Variants in CSMD1 observed in about 807,000 individuals in gnomAD.
CSMD1 encodes the protein CUB and sushi domain-containing protein 1.
A neutral mutation model predicts 417.5 loss-of-function variants in CSMD1; 213 were observed. The ratio of observed to expected loss-of-function variants is 0.51; its 90% CI spans 0.46 to 0.57. The LOEUF is 0.57. CSMD1 is among the 20% of genes least tolerant of loss of function. CSMD1 has a pLI of 0.00. For missense variants in CSMD1, 6,923 were observed against 4,529.7 expected (o/e 1.53, Z -15.17); for synonymous variants, 2,862 against 1,736.8 (o/e 1.65, Z -16.11).
chr8:3,566,548 G>C (rs1027338553), intron 10 of CSMD1, among the ~76,000 whole-genome samples: 3 of 151,036 alleles, frequency 2.0e-5, no homozygotes, highest in East Asian at 1.9e-4. Flanking sequence ...TTTGTCCATA[G>C]AGGATGTGAA....
At chr8:4,404,968 G>C (rs748974844) in intron 3 of CSMD1, among the ~76,000 whole-genome samples, 2 of 152,150 alleles carry the variant, frequency 1.3e-5, no homozygotes, top group Admixed American at 6.5e-5. Context: ...TGGAAACCGA[G>C]GCACAAGAGG....
intron 2 of CSMD1, among the ~76,000 whole-genome samples, chr8:4,611,902 G>A (rs188107128): frequency 3.0e-4 from 45 of 152,290 alleles, no homozygotes; most frequent in Non-Finnish European, 4.6e-4. Context: ...CTGGCAATCA[G>A]TGACAAATTC....
At chr8:3,312,727 G>A (rs1805444910) in intron 23 of CSMD1, among the ~76,000 whole-genome samples, 1 of 152,132 alleles carries the variant, frequency 6.6e-6, no homozygotes, top group Middle Eastern at 3.2e-3. Flanking sequence ...TCGCCTGCTA[G>A]GGAGAAGAGT....
chr8:3,506,420 G>C (rs1269607359), intron 10 of CSMD1, among the ~76,000 whole-genome samples: 2 of 152,136 alleles, frequency 1.3e-5, no homozygotes, highest in African/African-American at 2.4e-5. Flanking sequence ...GAGAGGAGAA[G>C]GTGCCGAATG....
intron 9 of CSMD1, among the ~76,000 whole-genome samples, chr8:3,575,532 TG>T (rs1171373769): frequency 6.6e-6 from 1 of 152,192 alleles, no homozygotes; most frequent in Non-Finnish European, 1.5e-5. Context: ...TTACACTGTC[TG>T]ACCTCCAATA....
Position 3,547,099 on chromosome 8 carries a change from T to A in CSMD1, c.1344+27846A>T, listed in dbSNP as rs535019053. Among the ~76,000 whole-genome samples, 29 of 152,270 alleles carry A rather than the reference T, an allele frequency of 1.9e-4. No homozygotes were observed. The South Asian group carries it at 5.8e-3, about 31-fold the overall frequency. On this transcript the variant is annotated intron_variant, in intron 10 of 69. Coordinates refer to ENST00000635120, the MANE Select transcript of CSMD1 (RefSeq NM_033225.6). ...AGACAGCAGGACCAATAACGTGGGC[T>A]ACAGGTTGGCCAACCCTCATGCTGC...
intron 26 of CSMD1, among the ~76,000 whole-genome samples, chr8:3,272,695 T>C (rs1054143688): frequency 1.4e-5 from 2 of 142,370 alleles, no homozygotes; most frequent in African/African-American, 5.3e-5. Context: ...TCGAAGCAAT[T>C]GTGAATGGGA....
At chr8:4,931,511 C>A (rs559358940) in intron 1 of CSMD1, among the ~76,000 whole-genome samples, 2 of 152,290 alleles carry the variant, frequency 1.3e-5, no homozygotes, top group East Asian at 3.9e-4. Flanking sequence ...GTTATGTATC[C>A]ATGAACCATC....
Position 3,779,401 on chromosome 8 carries a change from G to A in CSMD1, c.819-25359C>T, listed in dbSNP as rs551508317. Among the ~76,000 whole-genome samples the A allele has an allele frequency of 9.9e-5, 15 of 152,194 alleles. No homozygotes were observed. The South Asian group carries it at 1.2e-3, about 13-fold the overall frequency. ...AAGGGGCTTCAGAAACCCTGTAATC[G>A]ATGAGCACTACGTAGGAGCATCAAG... On this transcript the variant is annotated intron_variant, in intron 5 of 69. Coordinates refer to ENST00000635120, the MANE Select transcript of CSMD1 (RefSeq NM_033225.6).
intron 5 of CSMD1, among the ~76,000 whole-genome samples, chr8:3,987,537 AG>A (rs2130251311): frequency 6.6e-6 from 1 of 152,326 alleles, no homozygotes; most frequent in East Asian, 1.9e-4. Context: ...GTCTGACTCT[AG>A]CCCAAATGGT....
intron 5 of CSMD1, among the ~76,000 whole-genome samples, chr8:3,816,950 G>A (rs1371096700): frequency 6.6e-6 from 1 of 152,080 alleles, no homozygotes; most frequent in African/African-American, 2.4e-5. Flanking sequence ...AGCGAATCAA[G>A]AGAAAGATAA....
chr8:2,963,003 G>C (rs1437706653), intron 60 of CSMD1, among the ~76,000 whole-genome samples: 2 of 152,152 alleles, frequency 1.3e-5, no homozygotes, highest in Non-Finnish European at 2.9e-5. Context: ...AGCTATGATT[G>C]AACCACTGCA....
chr8:3,040,466 ATC>A (rs1275328428), intron 50 of CSMD1, among the ~76,000 whole-genome samples: 7 of 148,576 alleles, frequency 4.7e-5, no homozygotes, highest in African/African-American at 1.7e-4. Context: ...AAATCTATCT[ATC>A]TATATATATA....
rs1338894049 is a variant in CSMD1, at chr8:4,265,367, T to TAA, written c.415+154585_415+154586insTT. On this transcript the variant is annotated intron_variant, in intron 3 of 69. Transcript: ENST00000635120. The stretch of plus-strand genomic sequence containing the variant: ...AATGATCTGTCTCTGCACAGTATCA[T>TAA]TTGACATGTTACAATTAGTAAACAG... Among the ~76,000 whole-genome samples the TAA allele has an allele frequency of 2.6e-3, 286 of 110,128 alleles. 44 individuals carry two copies. The highest frequency in any genetic ancestry group is 5.4e-3 in the Middle Eastern group (1 of 184). The allele number at this position is 110,128 out of a possible 152,430, so 72.2% of individuals were successfully genotyped here.
chr8:3,638,215 C>A (rs563401018), intron 7 of CSMD1, among the ~76,000 whole-genome samples: 11 of 152,090 alleles, frequency 7.2e-5, no homozygotes, highest in African/African-American at 1.7e-4. Flanking sequence ...GAGTTCAGAA[C>A]TGGGCTTTAA....
At chr8:3,840,961 C>G (rs1326958195) in intron 5 of CSMD1, among the ~76,000 whole-genome samples, 1 of 152,058 alleles carries the variant, frequency 6.6e-6, no homozygotes, top group Non-Finnish European at 1.5e-5. Context: ...CCTGCCTCGG[C>G]CTCCCAAAGT....
At chr8:4,568,340 G>T (rs1053217129) in intron 2 of CSMD1, among the ~76,000 whole-genome samples, 1 of 152,050 alleles carries the variant, frequency 6.6e-6, no homozygotes, top group African/African-American at 2.4e-5. Context: ...TGTTCTCATT[G>T]TTCCATTCCC....
intron 3 of CSMD1, among the ~76,000 whole-genome samples, chr8:4,393,548 G>C (rs965697291): frequency 6.6e-6 from 1 of 152,174 alleles, no homozygotes; most frequent in Non-Finnish European, 1.5e-5. Flanking sequence ...GCAACAGCTA[G>C]ATAAGCATGC....
chr8:4,962,296 G>C (rs969770471), intron 1 of CSMD1, among the ~76,000 whole-genome samples: 3 of 151,848 alleles, frequency 2.0e-5, no homozygotes, highest in East Asian at 1.9e-4. Flanking sequence ...TGGCAGCTTG[G>C]AACTCCTGGT....
Sources: gnomAD v4.1 joint callset for allele counts (sites outside exome capture counted in the v4.1 genomes callset) on GRCh38, gnomAD v4.1.1 for gene constraint, MANE v1.5 for transcripts, NCBI Gene and HGNC (gene_info 2026-07-23, HGNC 2026-07-21) for gene names.